The following CDS1 variants were observed in gnomAD, a reference collection of about 807,000 sequenced individuals.
The protein encoded by CDS1 is phosphatidate cytidylyltransferase 1.
CDS1 carries 41 observed loss-of-function variants against 62.1 expected under a neutral mutation model. That is an observed-to-expected ratio of 0.66 (90% CI 0.51 to 0.86). The LOEUF (loss-of-function observed/expected upper bound fraction) is 0.86. Ranked by LOEUF, CDS1 falls within the 40% of genes least tolerant of loss-of-function variation. The probability of loss-of-function intolerance (pLI) is 0.00; values close to 1 mark genes in which losing one functional copy is unlikely to be tolerated. For synonymous variants in CDS1, 185 were observed against 192.6 expected (o/e 0.96, Z 0.32); for missense variants, 470 against 550.1 (o/e 0.85, Z 1.46).
At chr4:84,620,108 T>C (rs1723631704) in intron 5 of CDS1, among the ~76,000 whole-genome samples, 1 of 149,508 alleles carries the variant, frequency 6.7e-6, no homozygotes, top group Non-Finnish European at 1.5e-5. Context: ...TTTAAGTAAA[T>C]AAAAATTATT....
chr4:84,598,778 A>G (rs1438118098), intron 1 of CDS1, among the ~76,000 whole-genome samples: 1 of 152,054 alleles, frequency 6.6e-6, no homozygotes, highest in African/African-American at 2.4e-5. Flanking sequence ...GCTCTTTTTT[A>G]CTTCAACTGA....
At chr4:84,608,054 G>A (rs1407008898) in intron 2 of CDS1, among the ~76,000 whole-genome samples, 1 of 152,128 alleles carries the variant, frequency 6.6e-6, no homozygotes, top group Non-Finnish European at 1.5e-5. Flanking sequence ...GGGTGCGGTC[G>A]GGCATGCCAG....
rs1344352278 is a variant in CDS1 at position 84,583,154 on chromosome 4, G to A, written c.-248G>A. 8 of 436,270 alleles carry A rather than the reference G, an allele frequency of 1.8e-5. No individual in the cohort carries two copies. The highest frequency in any genetic ancestry group is 2.8e-5 in the Non-Finnish European group (7 of 245,648). 27.0% of individuals were successfully genotyped at this position (436,270 alleles called of 1,614,324 possible). On this transcript the variant is annotated 5_prime_UTR_variant, in exon 1 of 13. Transcript: ENST00000295887. ...CTTCTCTGCTCGCGCCTGGCGCCCG[G>A]AGCCTGCCCGGGACCTCCGCCGGAG...
intron 2 of CDS1, among the ~76,000 whole-genome samples, chr4:84,605,936 A>G (rs1174495100): frequency 1.3e-5 from 2 of 152,174 alleles, no homozygotes; most frequent in African/African-American, 2.4e-5. Context: ...TTATGGACCC[A>G]CATTCTGAAC....
At chr4:84,635,533 G>A (rs1724156628) in intron 8 of CDS1, among the ~76,000 whole-genome samples, 182 bp downstream of exon 8, 2 of 151,376 alleles carry the variant, frequency 1.3e-5, no homozygotes, top group South Asian at 4.2e-4. Context: ...TTCTTCATCA[G>A]CTCTTCTGTT....
At chr4:84,585,023 C>T (rs1722372688) in intron 1 of CDS1, among the ~76,000 whole-genome samples, 2 of 152,180 alleles carry the variant, frequency 1.3e-5, no homozygotes, top group African/African-American at 4.8e-5. Context: ...TTCCTTAACT[C>T]GACAAAGCTA....
intron 3 of CDS1, among the ~76,000 whole-genome samples, chr4:84,614,580 A>G (rs964550654): frequency 3.3e-5 from 5 of 152,222 alleles, no homozygotes; most frequent in Admixed American, 1.3e-4. Flanking sequence ...TGAATAACCC[A>G]TAGGTACTCA....
intron 10 of CDS1, among the ~76,000 whole-genome samples, chr4:84,641,840 A>G (rs568797244): frequency 6.6e-5 from 10 of 152,366 alleles, no homozygotes; most frequent in Admixed American, 3.9e-4. Flanking sequence ...ACAGCTTTGT[A>G]TCTGAATCAT....
chr4:84,615,156 G>C (rs1185221082), intron 3 of CDS1, among the ~76,000 whole-genome samples: 1 of 152,022 alleles, frequency 6.6e-6, no homozygotes, highest in Non-Finnish European at 1.5e-5. Flanking sequence ...ACTTTCCCAA[G>C]CCTTCCTTGG....
chr4:84,631,618 G>T (rs1724022021), intron 5 of CDS1, among the ~76,000 whole-genome samples: 1 of 152,142 alleles, frequency 6.6e-6, no homozygotes. Flanking sequence ...AATGTATTAG[G>T]CACTTTGGAG....
chr4:84,609,753 C>T (rs1273039877), intron 3 of CDS1, among the ~76,000 whole-genome samples: 1 of 152,164 alleles, frequency 6.6e-6, no homozygotes, highest in Non-Finnish European at 1.5e-5. Flanking sequence ...GTTTGTATAA[C>T]AGGTACATAT....
intron 1 of CDS1, among the ~76,000 whole-genome samples, chr4:84,591,224 A>G (rs1219278090): frequency 6.6e-6 from 1 of 152,240 alleles, no homozygotes; most frequent in Non-Finnish European, 1.5e-5. Context: ...TTCTTCCCAG[A>G]TAACACAGAT....
chr4:84,608,049 C>A (rs1419102104), intron 2 of CDS1, among the ~76,000 whole-genome samples: 1 of 152,038 alleles, frequency 6.6e-6, no homozygotes, highest in African/African-American at 2.4e-5. Flanking sequence ...TGGTGGGGTG[C>A]GGTCGGGCAT....
chr4:84,611,964 G>C (rs530497967), intron 3 of CDS1, among the ~76,000 whole-genome samples: 17 of 152,138 alleles, frequency 1.1e-4, no homozygotes, highest in African/African-American at 4.1e-4. Context: ...TTCAATGCTA[G>C]GTGGTGAGTG....
chr4:84,634,431 A>G (rs1214072109), intron 7 of CDS1, among the ~76,000 whole-genome samples: 1 of 152,136 alleles, frequency 6.6e-6, no homozygotes, highest in African/African-American at 2.4e-5. Flanking sequence ...AGTGGCTTGC[A>G]TATTCAGAAA....
At chr4:84,584,665 A>G (rs1262119820) in intron 1 of CDS1, among the ~76,000 whole-genome samples, 5 of 152,364 alleles carry the variant, frequency 3.3e-5, no homozygotes. Context: ...TAATAGGAAC[A>G]TATCACATGA....
At chr4:84,615,267 A>G (rs929043040) in intron 3 of CDS1, among the ~76,000 whole-genome samples, 1 of 151,198 alleles carries the variant, frequency 6.6e-6, no homozygotes, top group Non-Finnish European at 1.5e-5. Context: ...CTTCTTCTCT[A>G]CTCCGCTACC....
At chr4:84,642,969 C>G in intron 10 of CDS1, 55 bp from the exon 11 acceptor site, 3 of 1,549,772 alleles carry the variant, frequency 1.9e-6, no homozygotes, top group Admixed American at 1.7e-5. Context: ...GTGGTATGCT[C>G]AAATACAATT....
intron 10 of CDS1, among the ~76,000 whole-genome samples, chr4:84,641,880 T>C (rs1381780961): frequency 6.6e-6 from 1 of 152,192 alleles, no homozygotes; most frequent in Non-Finnish European, 1.5e-5. Context: ...TTTTGAGGAG[T>C]AGCTTAACAA....
Sources: allele counts gnomAD v4.1 joint callset (sites outside exome capture counted in the v4.1 genomes callset), GRCh38; gene constraint gnomAD v4.1.1; transcripts MANE v1.5; gene names NCBI Gene and HGNC (gene_info 2026-07-23, HGNC 2026-07-21).